The following SHROOM3 variants were observed in gnomAD, a reference collection of about 807,000 sequenced individuals.
The protein encoded by SHROOM3 is protein Shroom3.
A neutral mutation model predicts 138.6 loss-of-function variants in SHROOM3; 47 were observed. The observed-to-expected ratio is 0.34, with a 90% CI of 0.27 to 0.43. The LOEUF (loss-of-function observed/expected upper bound fraction) is 0.43, where lower values mean the gene tolerates loss of function less well. SHROOM3 is among the 20% of genes least tolerant of loss of function. The pLI is 1.00. For missense variants in SHROOM3, 2,491 were observed against 2,596.5 expected, an observed-to-expected ratio of 0.96 and a Z score of 0.88; for synonymous variants, 1,062 against 1,063.3, an observed-to-expected ratio of 1.00 and a Z score of 0.02.
At chr4:76,579,044 G>T (rs1733992498) in intron 2 of SHROOM3, among the ~76,000 whole-genome samples, 1 of 152,176 alleles carries the variant, frequency 6.6e-6, no homozygotes, top group Non-Finnish European at 1.5e-5. Flanking sequence ...GCTGGGTGTG[G>T]TGGTGCTTGC....
intron 9 of SHROOM3, among the ~76,000 whole-genome samples, chr4:76,763,997 CT>C (rs997059757): frequency 7.9e-5 from 12 of 152,152 alleles, no homozygotes; most frequent in African/African-American, 2.9e-4. Context: ...CTTTGACCAA[CT>C]TTTGCAAAGT....
chr4:76,460,838 A>AAAAAAAAAAAAAT (rs1731126867), intron 1 of SHROOM3, among the ~76,000 whole-genome samples: 1 of 148,074 alleles, frequency 6.8e-6, no homozygotes, highest in East Asian at 2.0e-4. Flanking sequence ...AAAAAAAAAA[A>AAAAAAAAAAAAAT]AAAAAATTAG....
At chr4:76,495,094 T>G (rs1731936572) in intron 1 of SHROOM3, among the ~76,000 whole-genome samples, 1 of 152,176 alleles carries the variant, frequency 6.6e-6, no homozygotes, top group East Asian at 1.9e-4. Flanking sequence ...ACAAGAGGTG[T>G]GGTGATAGAT....
At chr4:76,442,420 T>C (rs1034581966) in intron 1 of SHROOM3, among the ~76,000 whole-genome samples, 2 of 148,764 alleles carry the variant, frequency 1.3e-5, no homozygotes, top group African/African-American at 5.0e-5. Context: ...TTTTTTTTTT[T>C]TTTTTTGGAG....
chr4:76,632,100 AG>A (rs1735341678), intron 2 of SHROOM3, among the ~76,000 whole-genome samples: 2 of 152,302 alleles, frequency 1.3e-5, no homozygotes, highest in South Asian at 4.1e-4. Context: ...GTAGAGGTTG[AG>A]GGGTTGGGAA....
intron 1 of SHROOM3, among the ~76,000 whole-genome samples, chr4:76,506,000 A>G (rs1208221762): frequency 6.6e-6 from 1 of 152,140 alleles, no homozygotes; most frequent in Non-Finnish European, 1.5e-5. Context: ...GATAGACTGG[A>G]TAAAAAAATG....
intron 2 of SHROOM3, among the ~76,000 whole-genome samples, chr4:76,678,677 T>G (rs997307629): frequency 6.6e-6 from 1 of 152,228 alleles, no homozygotes; most frequent in Non-Finnish European, 1.5e-5. Flanking sequence ...TTTATTTTTT[T>G]GAGACGAAGT....
In SHROOM3 at chr4:76,674,554, C is replaced by CTTTTT. The variant is rs11312421; in HGVS notation, c.324-35584_324-35580dup. Among the ~76,000 whole-genome samples, 318 of 103,306 alleles carry CTTTTT rather than the reference C, an allele frequency of 3.1e-3. 1 individual carries two copies. The highest frequency in any genetic ancestry group is 4.2e-3 in the East Asian group (13 of 3,112). The allele number at this position is 103,306 out of a possible 152,430, so 67.8% of individuals were successfully genotyped here. A position where few individuals can be genotyped will look rare whatever the true frequency, so the allele number is the denominator to read the frequency against. On this transcript the variant is annotated intron_variant, in intron 2 of 10. Transcript: ENST00000296043. ...CTTTCTTTCTTTCCTTCCTTCCTTC[C>CTTTTT]TTTTTTTTTTTTTTTTTTTTTTGTT...
intron 1 of SHROOM3, among the ~76,000 whole-genome samples, chr4:76,505,974 G>C (rs1469735070): frequency 1.3e-5 from 2 of 151,976 alleles, no homozygotes; most frequent in African/African-American, 2.4e-5. Flanking sequence ...AAAGTATATG[G>C]AAGGATGTCA....
intron 2 of SHROOM3, chr4:76,639,681 C>A: frequency 2.5e-6 from 1 of 398,276 alleles, no homozygotes; most frequent in South Asian, 1.3e-4. Context: ...TCCTATTAGC[C>A]AGTATTCCTG....
chr4:76,633,390 C>T (rs151303269), intron 2 of SHROOM3, among the ~76,000 whole-genome samples: 2,964 of 150,606 alleles, frequency 0.02, 103 homozygotes, highest in African/African-American at 0.066. Context: ...GTTAACTGGC[C>T]GGGCGTGGTG....
At chr4:76,776,109 C>T (rs1258088372) in intron 10 of SHROOM3, among the ~76,000 whole-genome samples, 1 of 152,078 alleles carries the variant, frequency 6.6e-6, no homozygotes, top group East Asian at 1.9e-4. Flanking sequence ...TAAAAGTGTT[C>T]CCTTTTCACC....
chr4:76,752,173 A>G (rs1721646279), intron 6 of SHROOM3, among the ~76,000 whole-genome samples: 1 of 152,248 alleles, frequency 6.6e-6, no homozygotes, highest in Non-Finnish European at 1.5e-5. Context: ...TCAACATGAC[A>G]TTACGTGAAG....
chr4:76,567,232 A>C (rs751708343), intron 2 of SHROOM3, among the ~76,000 whole-genome samples: 3 of 152,198 alleles, frequency 2.0e-5, no homozygotes, highest in Non-Finnish European at 4.4e-5. Flanking sequence ...TCTAAGGAGC[A>C]TTTTTAAAAG....
intron 2 of SHROOM3, among the ~76,000 whole-genome samples, chr4:76,692,710 C>A (rs113435921): frequency 6.6e-6 from 1 of 152,120 alleles, no homozygotes; most frequent in Non-Finnish European, 1.5e-5. Flanking sequence ...ATACAAAAAC[C>A]TGGATGAGTC....
At chr4:76,545,822 G>C (rs1579226559) in intron 1 of SHROOM3, among the ~76,000 whole-genome samples, 1 of 152,090 alleles carries the variant, frequency 6.6e-6, no homozygotes, top group East Asian at 1.9e-4. Context: ...GCTCGAAGAA[G>C]GTGCAAATTT....
intron 3 of SHROOM3, 46 bp from the exon 4 acceptor site, chr4:76,730,758 C>T (rs1023178610): frequency 6.2e-7 from 1 of 1,612,800 alleles, no homozygotes; most frequent in Non-Finnish European, 8.5e-7. Context: ...GGAGACTCAG[C>T]TGAGACTTTG....
chr4:76,741,185 G>T lies in SHROOM3; in HGVS notation c.3012G>T (p.Arg1004=), dbSNP rs1392191021. 1.3e-6 allele frequency: 2 copies of T among 1,595,404 alleles called. No individual in the cohort carries two copies. The highest frequency in any genetic ancestry group is 1.7e-6 in the Non-Finnish European group (2 of 1,172,132). Residue 1004 remains arginine, a synonymous_variant, in exon 5 of 11, where the codon CGG becomes CGT. Coordinates refer to ENST00000296043, the MANE Select transcript of SHROOM3 (RefSeq NM_020859.4). The surrounding 1 kb of genome is among the most constrained non-coding windows in gnomAD (Gnocchi z 6.2). ...CCAGGCCCGTGCCCCCTGCCGCCCG[G>T]AGAGGTGCTCGCCGGCGCCTGACTC... The part of the protein sequence containing the change: ...DLARPVPPAA[R]RGARRRLTPE...
At chr4:76,461,781 A>G (rs1447632796) in intron 1 of SHROOM3, among the ~76,000 whole-genome samples, 1 of 152,214 alleles carries the variant, frequency 6.6e-6, no homozygotes, top group Non-Finnish European at 1.5e-5. Context: ...AGATACTTGT[A>G]TTGCTTTGCT....
Sources: allele counts gnomAD v4.1 joint callset (sites outside exome capture counted in the v4.1 genomes callset), GRCh38; gene constraint gnomAD v4.1.1; non-coding constraint Gnocchi (gnomAD v3.1); transcripts MANE v1.5; gene names NCBI Gene and HGNC (gene_info 2026-07-23, HGNC 2026-07-21).